ZAN: variants seen among roughly 807,000 people sequenced by gnomAD.
ZAN encodes zonadhesin.
ZAN carries 260 observed loss-of-function variants against 286.2 expected under a neutral mutation model. That is an observed-to-expected ratio of 0.91 (90% CI 0.82 to 1.01). The LOEUF (loss-of-function observed/expected upper bound fraction) is 1.01. ZAN is among the 50% of genes least tolerant of loss of function. The probability of loss-of-function intolerance (pLI) is 0.00; values close to 1 mark genes in which losing one functional copy is unlikely to be tolerated. For missense variants in ZAN, 3,410 were observed against 3,639.2 expected (o/e 0.94, Z 1.62); for synonymous variants, 1,368 against 1,417.5 (o/e 0.97, Z 0.79).
chr7:100,770,843 G>T (rs1485358852), intron 28 of ZAN, among the ~76,000 whole-genome samples: 5 of 151,526 alleles, frequency 3.3e-5, no homozygotes, highest in Non-Finnish European at 7.4e-5. Context: ...TCACTCTGTT[G>T]CCCAGGCTGG....
At chr7:100,753,732 C>A (rs1808951924) in intron 14 of ZAN, among the ~76,000 whole-genome samples, 1 of 147,386 alleles carries the variant, frequency 6.8e-6, no homozygotes, top group Admixed American at 7.0e-5. Context: ...ACTCGGGAGG[C>A]TGAGGTGGGA....
intron 2 of ZAN, among the ~76,000 whole-genome samples, chr7:100,734,956 C>A (rs565975761): frequency 7.3e-6 from 1 of 137,592 alleles, no homozygotes; most frequent in East Asian, 2.1e-4. Context: ...GAGGCCGAGG[C>A]GGGCGGATCA....
chr7:100,766,009 CAG>C (rs1809944637), intron 23 of ZAN, among the ~76,000 whole-genome samples: 2 of 143,794 alleles, frequency 1.4e-5, no homozygotes, highest in Admixed American at 7.1e-5. Context: ...TTTTTTGAGA[CAG>C]AGTCTCGATC....
At chr7:100,795,125 C>A in intron 44 of ZAN, 71 bp from the exon 45 acceptor site, 3 of 1,523,440 alleles carry the variant, frequency 2.0e-6, no homozygotes, top group Non-Finnish European at 1.8e-6. Flanking sequence ...TCCCAGCCCC[C>A]AGCCAGGCCT....
chr7:100,766,056 A>G (rs1367892259), intron 23 of ZAN, among the ~76,000 whole-genome samples: 1 of 147,176 alleles, frequency 6.8e-6, no homozygotes, highest in Non-Finnish European at 1.5e-5. Flanking sequence ...GCACGGTCTC[A>G]GCTCACTGCA....
intron 35 of ZAN, among the ~76,000 whole-genome samples, chr7:100,781,398 C>T (rs568614521): frequency 1.3e-4 from 20 of 152,034 alleles, no homozygotes; most frequent in Non-Finnish European, 2.4e-4. Flanking sequence ...AACACTCTCG[C>T]GTTCCAGGAG....
intron 25 of ZAN, 101 bp downstream of exon 25, chr7:100,767,358 G>A: frequency 6.7e-7 from 1 of 1,498,054 alleles, no homozygotes. Context: ...TGGCTCCTTA[G>A]AGCACCTGGG....
intron 13 of ZAN, 90 bp downstream of exon 13, chr7:100,751,356 C>A: frequency 1.1e-6 from 1 of 916,626 alleles, no homozygotes. Context: ...GTGAGTCCTC[C>A]CTGGAGCCCG....
In ZAN at chr7:100,775,438, G is replaced by T; in HGVS notation, c.5890G>T (p.Ala1964Ser). Residue 1964 changes from alanine (A) to serine (S), a missense_variant, in exon 32 of 48, where the codon GCC becomes TCC. Around this residue, in one of 7 missense-constraint regions of ZAN, gnomAD observed 1,289 missense variants for 1,314.3 expected, o/e 0.98. Transcript: ENST00000613979. Reference protein sequence around the residue: ...TLVLVKVCHPAMALPFFKISA... With the variant: ...TLVLVKVCHPSMALPFFKISA... ...TGTCCTGGTGAAAGTGTGCCACCCC[G>T]CCATGGCCTTGCCCTTCTTCAAGAT... The T allele has an allele frequency of 1.9e-6, 3 of 1,613,888 alleles. No homozygotes were observed. The highest frequency in any genetic ancestry group is 8.5e-7 in the Non-Finnish European group (1 of 1,179,872).
intron 29 of ZAN, among the ~76,000 whole-genome samples, chr7:100,772,880 T>G (rs1313584598): frequency 6.7e-6 from 1 of 149,814 alleles, no homozygotes; most frequent in Admixed American, 6.6e-5. Flanking sequence ...GTTTGTTTTT[T>G]TTTTTTTTTG....
intron 27 of ZAN, among the ~76,000 whole-genome samples, chr7:100,769,387 C>T (rs1046631561): frequency 1.1e-4 from 17 of 152,120 alleles, no homozygotes; most frequent in Non-Finnish European, 2.1e-4. Flanking sequence ...AGCCACTGCA[C>T]ACAGCCCCCT....
intron 35 of ZAN, 26 bp from the exon 36 acceptor site, chr7:100,784,597 T>C (rs558569865): frequency 1.2e-6 from 2 of 1,611,278 alleles, no homozygotes; most frequent in African/African-American, 2.7e-5. Flanking sequence ...CCCTCTCCAC[T>C]GACCCACTGT....
Position 100,738,700 on chromosome 7 carries a change from C to T in ZAN, c.766+87C>T. 2.3e-6 allele frequency: 3 copies of T among 1,314,398 alleles called. 1 individual carries two copies. The allele number at this position is 1,314,398 out of a possible 1,614,324, so 81.4% of individuals were successfully genotyped here. ...GCCCTGGGACGGTCTGTCATGAACA[C>T]CTACAGCTTCAAGCCTCTTACCAGC... On this transcript the variant is annotated intron_variant, in intron 7 of 47. Transcript: ENST00000613979.
intron 35 of ZAN, among the ~76,000 whole-genome samples, chr7:100,783,357 A>C (rs1244788369): frequency 6.6e-6 from 1 of 151,972 alleles, no homozygotes; most frequent in African/African-American, 2.4e-5. Flanking sequence ...TTTTTTAGGG[A>C]GTTCCTGGCT....
At chr7:100,750,099 C>CACACA (rs996745393) in intron 11 of ZAN, among the ~76,000 whole-genome samples, 3 of 147,968 alleles carry the variant, frequency 2.0e-5, no homozygotes, top group African/African-American at 7.5e-5. Context: ...CACACACACA[C>CACACA]GACATTAATG....
intron 40 of ZAN, among the ~76,000 whole-genome samples, chr7:100,791,492 T>C (rs966902550): frequency 4.6e-5 from 7 of 150,700 alleles, no homozygotes; most frequent in Admixed American, 6.6e-5. Flanking sequence ...CTGCAACCTC[T>C]GCCTCCCAGT....
At chr7:100,735,188 AG>A (rs1334146358) in intron 2 of ZAN, among the ~76,000 whole-genome samples, 2 of 138,116 alleles carry the variant, frequency 1.4e-5, no homozygotes, top group African/African-American at 5.3e-5. Flanking sequence ...CCATCTCAAA[AG>A]AAAAAAAAAA....
At chr7:100,776,142 C>T (rs866638916) in intron 33 of ZAN, among the ~76,000 whole-genome samples, 18 of 151,690 alleles carry the variant, frequency 1.2e-4, no homozygotes, top group African/African-American at 3.9e-4. Flanking sequence ...GGTGAAACCC[C>T]GTCTCTATTA....
intron 8 of ZAN, among the ~76,000 whole-genome samples, chr7:100,747,274 C>T (rs1808293251): frequency 6.6e-6 from 1 of 151,804 alleles, no homozygotes; most frequent in Non-Finnish European, 1.5e-5. Context: ...GTAATCTCAG[C>T]TACTCAAGAG....
Sources: allele counts gnomAD v4.1 joint callset (sites outside exome capture counted in the v4.1 genomes callset), GRCh38; gene constraint gnomAD v4.1.1; regional missense constraint gnomAD v4.1.1; transcripts MANE v1.5; gene names NCBI Gene and HGNC (gene_info 2026-07-23, HGNC 2026-07-21).